PCGF5: variants seen among roughly 807,000 people sequenced by gnomAD.
PCGF5 encodes polycomb group ring finger 5.
PCGF5 carries 9 observed loss-of-function variants against 44.3 expected under a neutral mutation model. The observed-to-expected ratio is 0.20, with a 90% confidence interval of 0.12 to 0.35. PCGF5 has a LOEUF of 0.35. Among genes scored for constraint, PCGF5 ranks in the 10% least tolerant of loss-of-function variants. The pLI is 1.00. For synonymous variants in PCGF5, 95 were observed against 102.5 expected, an observed-to-expected ratio of 0.93 and a Z score of 0.44; for missense variants, 146 against 305.3, an observed-to-expected ratio of 0.48 and a Z score of 3.89.
At chr10:91,256,786 T>C (rs1387606953) in intron 6 of PCGF5, among the ~76,000 whole-genome samples, 1 of 152,038 alleles carries the variant, frequency 6.6e-6, no homozygotes, top group Non-Finnish European at 1.5e-5. Context: ...GGATAATATA[T>C]GCAGAGTGCT....
At chr10:91,223,524 G>A (rs1418801998) in intron 2 of PCGF5, among the ~76,000 whole-genome samples, 1 of 152,144 alleles carries the variant, frequency 6.6e-6, no homozygotes, top group Non-Finnish European at 1.5e-5. Flanking sequence ...GCTTAAGTTT[G>A]AGAATCACTG....
intron 1 of PCGF5, among the ~76,000 whole-genome samples, chr10:91,164,702 C>T (rs902658260): frequency 1.3e-5 from 2 of 152,226 alleles, no homozygotes; most frequent in Non-Finnish European, 2.9e-5. Flanking sequence ...TCATTCCCAC[C>T]TCACATTAGT....
chr10:91,221,396 G>A (rs1412632620), intron 1 of PCGF5, among the ~76,000 whole-genome samples: 1 of 152,192 alleles, frequency 6.6e-6, no homozygotes, highest in Admixed American at 6.5e-5. Flanking sequence ...AGGAAGCCGA[G>A]ACCCAGGCTC....
chr10:91,213,321 T>C (rs1318459503), intron 1 of PCGF5, among the ~76,000 whole-genome samples: 1 of 152,232 alleles, frequency 6.6e-6, no homozygotes, highest in East Asian at 1.9e-4. Flanking sequence ...ACTCTACATA[T>C]GTGTGGATAT....
At chr10:91,276,595 A>G (rs1028714968) in intron 9 of PCGF5, among the ~76,000 whole-genome samples, 13 of 152,212 alleles carry the variant, frequency 8.5e-5, no homozygotes, top group Non-Finnish European at 1.8e-4. Flanking sequence ...ACACACAACA[A>G]ATGGCTACTT....
At chr10:91,237,938 A>T (rs954894746) in intron 2 of PCGF5, among the ~76,000 whole-genome samples, 1 of 152,158 alleles carries the variant, frequency 6.6e-6, no homozygotes. Context: ...CTAGAATAGC[A>T]CCCTTTGGTA....
chr10:91,242,928 A>T (rs913101137), intron 3 of PCGF5, among the ~76,000 whole-genome samples: 1 of 152,220 alleles, frequency 6.6e-6, no homozygotes, highest in African/African-American at 2.4e-5. Context: ...GATGTCCTTT[A>T]TAGAGATCTT....
intron 1 of PCGF5, among the ~76,000 whole-genome samples, chr10:91,169,787 T>C (rs1004379527): frequency 6.6e-6 from 1 of 152,212 alleles, no homozygotes. Context: ...CTAAAGTTTA[T>C]ATGCAGAGGC....
At chr10:91,176,165 TA>T (rs1487443829) in intron 1 of PCGF5, among the ~76,000 whole-genome samples, 9 of 152,208 alleles carry the variant, frequency 5.9e-5, no homozygotes, top group Non-Finnish European at 1.0e-4. Flanking sequence ...CTCCTTCACT[TA>T]GGAAGCTTAG....
chr10:91,240,461 C>G, intron 2 of PCGF5, 23 bp from the exon 3 acceptor site: 1 of 1,531,380 alleles, frequency 6.5e-7, no homozygotes, highest in East Asian at 2.3e-5. Flanking sequence ...TGCGTTTTAA[C>G]CTAACATCTT....
At chr10:91,195,442 G>GTA (rs1844110999) in intron 1 of PCGF5, among the ~76,000 whole-genome samples, 1 of 142,728 alleles carries the variant, frequency 7.0e-6, no homozygotes, top group Admixed American at 7.0e-5. Context: ...TAAATCATAT[G>GTA]TATATATATG....
Position 91,264,442 on chromosome 10 carries a change from G to T in PCGF5, c.585G>T (p.Leu195=). 6.2e-7 allele frequency: 1 copy of T among 1,608,928 alleles called. No individual in the cohort carries two copies. ...KLPSSYELDV[L]CNGEIMGKDH... ...GATTCTTTTTAAAGTTGGATGTGCTGTGCAATGGTGAAATTATGGGGAAGG... is the reference window on the plus strand; with the variant it reads ...GATTCTTTTTAAAGTTGGATGTGCTTTGCAATGGTGAAATTATGGGGAAGG... Residue 195 remains leucine (L), a synonymous_variant, in exon 8 of 10, where the codon CTG becomes CTT. Coordinates refer to ENST00000336126, the MANE Select transcript of PCGF5 (RefSeq NM_032373.5).
rs558869567 is a variant in PCGF5 at position 91,188,138 on chromosome 10, C to T, written c.-184+25057C>T. Reference sequence around the variant, plus strand: ...CTCCCAGTGTGAGTGACGCAGAAGACGGGTGATTTCTGCATTTCCATCTGA... The same window carrying T: ...CTCCCAGTGTGAGTGACGCAGAAGATGGGTGATTTCTGCATTTCCATCTGA... On this transcript the variant is annotated intron_variant, in intron 1 of 9. Coordinates refer to the PCGF5 transcript ENST00000614189. Among the ~76,000 whole-genome samples the T allele has an allele frequency of 1.4e-4, 21 of 152,284 alleles. 1 individual carries two copies. The highest frequency in any genetic ancestry group is 1.2e-3 in the South Asian group (6 of 4,822).
At chr10:91,268,092 G>A (rs1260750687) in intron 8 of PCGF5, among the ~76,000 whole-genome samples, 1 of 152,062 alleles carries the variant, frequency 6.6e-6, no homozygotes, top group Admixed American at 6.6e-5. Context: ...CTGTGCGTAT[G>A]TGTGTATATG....
chr10:91,221,901 G>A (rs1844691256), intron 1 of PCGF5, among the ~76,000 whole-genome samples: 1 of 152,114 alleles, frequency 6.6e-6, no homozygotes, highest in Non-Finnish European at 1.5e-5. Flanking sequence ...TAAAAACTAG[G>A]GAAAGATTGC....
In PCGF5 at chr10:91,244,597, G is replaced by A. The variant is rs190733240; in HGVS notation, c.210-3908G>A. ...TTGATGACTGTGTTGAGAACACCGC[G>A]CGTATAACAAGGCAAGGGTAGAAGC... On this transcript the variant is annotated intron_variant, in intron 3 of 9. Transcript: ENST00000336126. 6.4e-4 allele frequency among the ~76,000 whole-genome samples: 98 copies of A among 152,256 alleles called. 1 individual carries two copies. Among genetic ancestry groups the A allele is most frequent in the African/African-American group, 1.7e-3 (69 of 41,546 alleles).
rs563380547 is a variant in PCGF5 at position 91,190,007 on chromosome 10, G to T, written c.-184+26926G>T. On this transcript the variant is annotated intron_variant, in intron 1 of 9. Coordinates refer to the PCGF5 transcript ENST00000614189. The stretch of plus-strand genomic sequence containing the variant: ...TTTCCTGAGGTTAATATCTTAGTTT[G>T]TTTGTGCTGCTACAACAAAGCACCA... Among the ~76,000 whole-genome samples, 22 of 152,278 alleles carry T rather than the reference G, an allele frequency of 1.4e-4. 1 individual carries two copies. In the East Asian group the frequency reaches 4.2e-3, roughly 29 times the overall value.
intron 1 of PCGF5, among the ~76,000 whole-genome samples, chr10:91,181,353 C>T (rs933763239): frequency 1.1e-4 from 17 of 152,102 alleles, no homozygotes; most frequent in East Asian, 3.9e-4. Context: ...TTATTTCTTT[C>T]GGTTGTCTAA....
rs553199604 is a variant in PCGF5, at chr10:91,280,086, A to G, written c.*1770A>G. 6.6e-6 allele frequency: 1 copy of G among 152,098 alleles called. No individual in the cohort carries two copies. Among genetic ancestry groups the G allele is most frequent in the Admixed American group, 6.5e-5 (1 of 15,280 alleles). The allele number at this position is 152,098 out of a possible 1,614,324, so 9.4% of individuals were successfully genotyped here. On this transcript the variant is annotated 3_prime_UTR_variant, in exon 10 of 10. Transcript: ENST00000336126. ...ATTGTTTTTGTTCTTGGAATGGCTC[A>G]CAAGCAGAATTTAAAAGGCAGATTT...
Sources: gnomAD v4.1 joint callset for allele counts (sites outside exome capture counted in the v4.1 genomes callset) on GRCh38, gnomAD v4.1.1 for gene constraint, MANE v1.5 for transcripts, NCBI Gene and HGNC (gene_info 2026-07-23, HGNC 2026-07-21) for gene names.